PCDH15: variants seen among roughly 807,000 people sequenced by gnomAD.
The protein encoded by PCDH15 is protocadherin related 15, also known as protocadherin-15.
In PCDH15, 129 loss-of-function variants were observed where a neutral mutation model predicts 178.5. The ratio of observed to expected loss-of-function variants is 0.72; its 90% CI spans 0.63 to 0.84. The LOEUF is 0.84. PCDH15 is among the 40% of genes least tolerant of loss of function. The probability of loss-of-function intolerance (pLI) is 0.00; values close to 1 mark genes in which losing one functional copy is unlikely to be tolerated. For synonymous variants in PCDH15, 800 were observed against 732.0 expected, an observed-to-expected ratio of 1.09 and a Z score of -1.50; for missense variants, 2,230 against 2,099.9, an observed-to-expected ratio of 1.06 and a Z score of -1.21.
intron 27 of PCDH15, among the ~76,000 whole-genome samples, chr10:53,864,260 T>C (rs2079295074): frequency 6.6e-6 from 1 of 152,042 alleles, no homozygotes; most frequent in Non-Finnish European, 1.5e-5. Flanking sequence ...AGTTTTCTAA[T>C]GGTGGATTAA....
At chr10:54,843,912 T>C (rs561982307) in intron 3 of PCDH15, among the ~76,000 whole-genome samples, 1 of 151,970 alleles carries the variant, frequency 6.6e-6, no homozygotes, top group South Asian at 2.1e-4. Context: ...CAAATGGCAA[T>C]GAACACAAAA....
At chr10:54,566,541 T>C (rs570260829) in intron 2 of PCDH15, among the ~76,000 whole-genome samples, 1 of 152,280 alleles carries the variant, frequency 6.6e-6, no homozygotes, top group African/African-American at 2.4e-5. Flanking sequence ...GTTTTCACTT[T>C]CTCTATAGTT....
chr10:53,857,561 A>C (rs1476966542), intron 27 of PCDH15, among the ~76,000 whole-genome samples: 1 of 134,336 alleles, frequency 7.4e-6, no homozygotes, highest in East Asian at 4.8e-4. Flanking sequence ...TGAGACATGA[A>C]GGGTGGCATT....
At chr10:55,458,538 T>C (rs1425730010) in intron 2 of PCDH15, among the ~76,000 whole-genome samples, 1 of 152,060 alleles carries the variant, frequency 6.6e-6, no homozygotes, top group Non-Finnish European at 1.5e-5. Flanking sequence ...CTAAGCAACC[T>C]TGTCTCCATT....
chr10:53,809,174 A>T (rs772876205), intron 37 of PCDH15: 15 of 1,613,826 alleles, frequency 9.3e-6, no homozygotes, highest in Non-Finnish European at 1.1e-5. Flanking sequence ...TCTGACTCAG[A>T]TTCCTCTTCT....
intron 1 of PCDH15, among the ~76,000 whole-genome samples, chr10:55,181,567 C>G (rs1359987955): frequency 1.3e-5 from 2 of 151,848 alleles, no homozygotes; most frequent in African/African-American, 2.4e-5. Flanking sequence ...TTTTTAAGGA[C>G]TATTTTAAAT....
At chr10:53,924,945 G>C (rs890167534) in intron 25 of PCDH15, among the ~76,000 whole-genome samples, 3 of 152,138 alleles carry the variant, frequency 2.0e-5, no homozygotes, top group African/African-American at 4.8e-5. Context: ...GTCTAGCTCA[G>C]GGATTGTAAA....
intron 28 of PCDH15, among the ~76,000 whole-genome samples, chr10:53,853,346 A>C (rs1273480712): frequency 6.6e-6 from 1 of 152,068 alleles, no homozygotes; most frequent in Non-Finnish European, 1.5e-5. Flanking sequence ...GGTGTTTTGT[A>C]ACACTGGATT....
intron 2 of PCDH15, among the ~76,000 whole-genome samples, chr10:55,442,734 T>C (rs956552852): frequency 4.0e-5 from 6 of 151,814 alleles, no homozygotes; most frequent in African/African-American, 1.2e-4. Flanking sequence ...TAAACTAGAT[T>C]GTGAATGCAC....
intron 3 of PCDH15, among the ~76,000 whole-genome samples, chr10:54,847,056 G>C (rs1354902793): frequency 6.6e-6 from 1 of 152,124 alleles, no homozygotes; most frequent in East Asian, 1.9e-4. Flanking sequence ...AGCTTCAAAT[G>C]AGTGAATATC....
intron 2 of PCDH15, among the ~76,000 whole-genome samples, chr10:54,942,927 T>C (rs1467871007): frequency 6.6e-6 from 1 of 152,024 alleles, no homozygotes; most frequent in East Asian, 1.9e-4. Context: ...ATGCATAATG[T>C]GGTGCCTTAT....
intron 1 of PCDH15, among the ~76,000 whole-genome samples, chr10:55,309,798 C>CA (rs1451193035): frequency 6.6e-5 from 10 of 152,122 alleles, no homozygotes; most frequent in African/African-American, 2.2e-4. Context: ...TACATTCCAC[C>CA]ATGTCCCACT....
chr10:55,064,944 T>TA (rs1841525116), intron 2 of PCDH15, among the ~76,000 whole-genome samples: 1 of 152,036 alleles, frequency 6.6e-6, no homozygotes, highest in Non-Finnish European at 1.5e-5. Context: ...TAGAATATTT[T>TA]AAAAAATCTC....
intron 2 of PCDH15, among the ~76,000 whole-genome samples, chr10:54,970,951 G>A (rs1456113529): frequency 6.6e-6 from 1 of 152,090 alleles, no homozygotes; most frequent in Non-Finnish European, 1.5e-5. Flanking sequence ...TACCTAACTT[G>A]TTTGATTTCA....
chr10:54,031,829 A>C (rs2093303296), intron 18 of PCDH15, among the ~76,000 whole-genome samples: 1 of 152,114 alleles, frequency 6.6e-6, no homozygotes, highest in Admixed American at 6.6e-5. Context: ...CAGCAAAGAA[A>C]GAAAGTAATG....
intron 1 of PCDH15, among the ~76,000 whole-genome samples, chr10:54,773,472 G>A (rs1385552365): frequency 6.6e-6 from 1 of 152,074 alleles, no homozygotes; most frequent in Non-Finnish European, 1.5e-5. Flanking sequence ...ATTGAGATTT[G>A]GCTGATGGTA....
chr10:54,820,569 T>TA (rs1200547770), intron 3 of PCDH15, among the ~76,000 whole-genome samples: 2 of 152,062 alleles, frequency 1.3e-5, no homozygotes, highest in Non-Finnish European at 2.9e-5. Flanking sequence ...ATAAGCTTTT[T>TA]ATTACAAGAT....
chr10:54,545,769 C>T (rs1382760343), intron 2 of PCDH15, among the ~76,000 whole-genome samples: 1 of 152,170 alleles, frequency 6.6e-6, no homozygotes, highest in Non-Finnish European at 1.5e-5. Context: ...GATTTAAACA[C>T]ACTCTGTAAT....
intron 2 of PCDH15, among the ~76,000 whole-genome samples, chr10:54,577,095 T>C (rs971333230): frequency 6.6e-6 from 1 of 151,896 alleles, no homozygotes; most frequent in Non-Finnish European, 1.5e-5. Flanking sequence ...TAATTTCTTT[T>C]TTTTTTTTGA....
Sources: allele counts gnomAD v4.1 joint callset (sites outside exome capture counted in the v4.1 genomes callset), GRCh38; gene constraint gnomAD v4.1.1; transcripts MANE v1.5; gene names NCBI Gene and HGNC (gene_info 2026-07-23, HGNC 2026-07-21).